CBFA2T2: variants seen among roughly 807,000 people sequenced by gnomAD.
The protein encoded by CBFA2T2 is protein CBFA2T2.
In CBFA2T2, 11 loss-of-function variants were observed where a neutral mutation model predicts 62.2. The observed-to-expected ratio is 0.18, with a 90% CI of 0.11 to 0.29. The LOEUF is 0.29. CBFA2T2 is among the 10% of genes least tolerant of loss of function. CBFA2T2 has a pLI of 1.00. For synonymous variants in CBFA2T2, 295 were observed against 287.5 expected, an observed-to-expected ratio of 1.03 and a Z score of -0.27; for missense variants, 592 against 774.1, an observed-to-expected ratio of 0.76 and a Z score of 2.79.
intron 1 of CBFA2T2, among the ~76,000 whole-genome samples, chr20:33,509,109 G>A (rs1308365826): frequency 1.3e-5 from 2 of 152,204 alleles, no homozygotes; most frequent in Non-Finnish European, 2.9e-5. Context: ...GCTCACACCT[G>A]TAATCCCAGC....
chr20:33,636,152 G>A (rs1163946597), intron 8 of CBFA2T2, among the ~76,000 whole-genome samples: 3 of 151,696 alleles, frequency 2.0e-5, no homozygotes, highest in East Asian at 1.9e-4. Context: ...GCTACCTCTC[G>A]GGAGGCTGAG....
intron 5 of CBFA2T2, chr20:33,623,795 A>G (rs1248343283): frequency 4.2e-6 from 3 of 715,054 alleles, no homozygotes; most frequent in African/African-American, 1.8e-5. Flanking sequence ...TCTAAAATCT[A>G]TGGGAGTAGC....
intron 6 of CBFA2T2, among the ~76,000 whole-genome samples, chr20:33,626,676 C>A (rs1190251839): frequency 6.6e-6 from 1 of 152,140 alleles, no homozygotes; most frequent in Non-Finnish European, 1.5e-5. Flanking sequence ...TCCATGTATA[C>A]CTTGTTGAGT....
At chr20:33,606,463 G>A (rs2015343934) in intron 1 of CBFA2T2, among the ~76,000 whole-genome samples, 1 of 152,184 alleles carries the variant, frequency 6.6e-6, no homozygotes, top group South Asian at 2.1e-4. Context: ...GCCCAAAATT[G>A]AGGTATCAGC....
rs2015513434 is a variant in CBFA2T2, at chr20:33,611,166, G to A, written c.251G>A (p.Gly84Asp). The change falls in exon 3 of 11, where the codon GGT becomes GAT. Residue 84 changes from glycine to aspartate, a missense_variant. By Grantham distance (94) the Gly-to-Asp change is moderately conservative (BLOSUM62 -1). This residue lies in a region of CBFA2T2 where 449 missense variants were observed against 551.2 expected (regional missense o/e 0.81). Transcript: ENST00000342704. ...TCACCGCCACAGAGATTCAGCAATG[G>A]TCCTGCCTCCTCCACATCATCTGCA... is the stretch of plus-strand genomic sequence containing the variant. ...APSPPQRFSN[G>D]PASSTSSALT... 2 of 1,614,146 alleles carry A rather than the reference G, an allele frequency of 1.2e-6. No individual in the cohort carries two copies. The highest frequency in any genetic ancestry group is 1.3e-5 in the African/African-American group (1 of 75,032).
Position 33,493,497 on chromosome 20 carries a change from GTTTGT to G in CBFA2T2, c.34+3200_34+3204del, listed in dbSNP as rs1007886259. 5.3e-5 allele frequency among the ~76,000 whole-genome samples: 8 copies of G among 152,112 alleles called. 2 individuals are homozygous for G. The highest frequency in any genetic ancestry group is 3.3e-4 in the Admixed American group (5 of 15,252). Reference sequence around the variant, plus strand: ...GTAGTCTAGAACTGTGGCCTCACATGTTTGTTTTTTCTTTTTTTAAAACTGAGGTG... The same window carrying G: ...GTAGTCTAGAACTGTGGCCTCACATGTTTTTCTTTTTTTAAAACTGAGGTG... On this transcript the variant is annotated intron_variant, in intron 1 of 10. Transcript: ENST00000342704.
intron 1 of CBFA2T2, among the ~76,000 whole-genome samples, chr20:33,533,872 G>A (rs1047127918): frequency 6.6e-6 from 1 of 152,122 alleles, no homozygotes; most frequent in African/African-American, 2.4e-5. Flanking sequence ...CTACTCAGGA[G>A]GGTGAGGCTG....
At chr20:33,590,723 G>A (rs768595453) in intron 1 of CBFA2T2, among the ~76,000 whole-genome samples, 1 of 152,174 alleles carries the variant, frequency 6.6e-6, no homozygotes, top group Non-Finnish European at 1.5e-5. Flanking sequence ...TCTTTGCTTC[G>A]TGCTACTCCT....
chr20:33,565,542 A>C (rs1429197734), intron 1 of CBFA2T2, among the ~76,000 whole-genome samples: 1 of 152,276 alleles, frequency 6.6e-6, no homozygotes, highest in East Asian at 1.9e-4. Flanking sequence ...AAACATAATA[A>C]ATAAGAAAAA....
chr20:33,630,573 T>C (rs1449573982), intron 8 of CBFA2T2, among the ~76,000 whole-genome samples: 1 of 152,188 alleles, frequency 6.6e-6, no homozygotes. Flanking sequence ...TCCCCTTGCC[T>C]TTCAGAGTCT....
At chr20:33,495,089 G>C (rs1294203296) in intron 1 of CBFA2T2, among the ~76,000 whole-genome samples, 1 of 151,962 alleles carries the variant, frequency 6.6e-6, no homozygotes, top group Non-Finnish European at 1.5e-5. Context: ...ATGAAATCTA[G>C]TTTATTCGGT....
intron 1 of CBFA2T2, among the ~76,000 whole-genome samples, chr20:33,580,615 C>A (rs1601002443): frequency 6.6e-6 from 1 of 152,294 alleles, no homozygotes; most frequent in Non-Finnish European, 1.5e-5. Context: ...CTTTGGGAGG[C>A]CCAGGTGGGC....
intron 1 of CBFA2T2, among the ~76,000 whole-genome samples, chr20:33,524,948 C>G (rs1485292649): frequency 6.6e-6 from 1 of 152,146 alleles, no homozygotes; most frequent in Admixed American, 6.5e-5. Context: ...AATTCTCCTG[C>G]CTCAGCCTCC....
At chr20:33,526,319 A>G (rs2011884844) in intron 1 of CBFA2T2, among the ~76,000 whole-genome samples, 1 of 152,236 alleles carries the variant, frequency 6.6e-6, no homozygotes, top group Non-Finnish European at 1.5e-5. Context: ...ACACATAAAA[A>G]AGAAGGTGTG....
At chr20:33,600,195 T>TTG (rs1568844500) in intron 1 of CBFA2T2, 47 of 137,494 alleles carry the variant, frequency 3.4e-4, no homozygotes, top group African/African-American at 1.3e-3. Context: ...TTTTTTTTTT[T>TTG]TTTTTTTTTT....
At chr20:33,546,530 C>G (rs1297567916) in intron 1 of CBFA2T2, among the ~76,000 whole-genome samples, 1 of 151,278 alleles carries the variant, frequency 6.6e-6, no homozygotes, top group Non-Finnish European at 1.5e-5. Context: ...CTGCTCAGCT[C>G]TAGCAATCCT....
At chr20:33,620,141 C>T (rs1314613860) in intron 4 of CBFA2T2, among the ~76,000 whole-genome samples, 15 of 152,048 alleles carry the variant, frequency 9.9e-5, no homozygotes, top group Non-Finnish European at 2.1e-4. Flanking sequence ...GATTGTTCTG[C>T]ATTATCATGC....
intron 1 of CBFA2T2, among the ~76,000 whole-genome samples, chr20:33,563,977 G>A (rs975200528): frequency 2.0e-5 from 3 of 152,080 alleles, no homozygotes; most frequent in African/African-American, 7.2e-5. Flanking sequence ...CAACAAGCAG[G>A]AGTGAGGTAC....
intron 6 of CBFA2T2, among the ~76,000 whole-genome samples, chr20:33,626,070 C>G (rs371610787): frequency 3.4e-4 from 52 of 152,138 alleles, no homozygotes; most frequent in African/African-American, 1.2e-3. Flanking sequence ...CCCCAGCACT[C>G]CAGCCTGGGC....
Sources: allele counts gnomAD v4.1 joint callset (sites outside exome capture counted in the v4.1 genomes callset), GRCh38; gene constraint gnomAD v4.1.1; regional missense constraint gnomAD v4.1.1; transcripts MANE v1.5; gene names NCBI Gene and HGNC (gene_info 2026-07-23, HGNC 2026-07-21).